Variants in CNTN5 observed in about 807,000 individuals in gnomAD.
CNTN5 encodes the protein contactin-5.
Under a neutral mutation model 129.1 loss-of-function variants are expected in CNTN5, and 77 were observed. That is an observed-to-expected ratio of 0.60 (90% CI 0.50 to 0.72). The LOEUF is 0.72. CNTN5 is among the 30% of genes least tolerant of loss of function. CNTN5 has a pLI of 0.00. For missense variants in CNTN5, 1,478 were observed against 1,328.8 expected, an observed-to-expected ratio of 1.11 and a Z score of -1.75; for synonymous variants, 509 against 465.6, an observed-to-expected ratio of 1.09 and a Z score of -1.20.
chr11:99,164,120 G>A (rs1860756550), intron 1 of CNTN5, among the ~76,000 whole-genome samples: 1 of 152,084 alleles, frequency 6.6e-6, no homozygotes, highest in African/African-American at 2.4e-5. Context: ...GAGGTTAGGA[G>A]TTCAAGACCA....
chr11:99,390,603 C>T (rs541344932), intron 2 of CNTN5, among the ~76,000 whole-genome samples: 2 of 152,192 alleles, frequency 1.3e-5, no homozygotes, highest in South Asian at 4.1e-4. Context: ...TGCGTACAAA[C>T]TAATGAAATA....
At chr11:99,976,542 C>G (rs1007492455) in intron 8 of CNTN5, among the ~76,000 whole-genome samples, 1 of 152,212 alleles carries the variant, frequency 6.6e-6, no homozygotes, top group African/African-American at 2.4e-5. Flanking sequence ...CAAACCTCAG[C>G]TGTTGTATTC....
chr11:100,278,305 A>G (rs1950560217), intron 18 of CNTN5, among the ~76,000 whole-genome samples: 1 of 151,688 alleles, frequency 6.6e-6, no homozygotes, highest in South Asian at 2.1e-4. Context: ...CTCTTTTGTG[A>G]TCTGATATAA....
chr11:99,721,874 A>G (rs1943184842), intron 3 of CNTN5, among the ~76,000 whole-genome samples: 1 of 152,134 alleles, frequency 6.6e-6, no homozygotes, highest in South Asian at 2.1e-4. Flanking sequence ...GCCAACAAAC[A>G]TATGGAAAAA....
chr11:99,157,544 T>C (rs946127539), intron 1 of CNTN5, among the ~76,000 whole-genome samples: 4 of 152,068 alleles, frequency 2.6e-5, no homozygotes, highest in Non-Finnish European at 5.9e-5. Context: ...TTAGAACAAG[T>C]GCAAATATAT....
chr11:100,199,589 C>T (rs924013508), intron 15 of CNTN5, among the ~76,000 whole-genome samples: 2 of 151,900 alleles, frequency 1.3e-5, no homozygotes, highest in Non-Finnish European at 2.9e-5. Context: ...AATATTCAGA[C>T]TATCCCAGAA....
At chr11:100,176,741 G>T (rs1947978642) in intron 13 of CNTN5, among the ~76,000 whole-genome samples, 1 of 152,032 alleles carries the variant, frequency 6.6e-6, no homozygotes, top group African/African-American at 2.4e-5. Context: ...GGGAATGGAA[G>T]ATGGAAGGGA....
At chr11:99,551,341 A>G (rs191491684) in intron 2 of CNTN5, among the ~76,000 whole-genome samples, 1 of 152,286 alleles carries the variant, frequency 6.6e-6, no homozygotes, top group Non-Finnish European at 1.5e-5. Context: ...TTAACTCAGT[A>G]CCAGTCCCAA....
intron 9 of CNTN5, among the ~76,000 whole-genome samples, chr11:100,013,721 T>C (rs1003900968): frequency 3.3e-5 from 5 of 152,316 alleles, no homozygotes; most frequent in Admixed American, 2.6e-4. Flanking sequence ...AGTATTCTAC[T>C]AGAAATTGAA....
At chr11:99,971,896 C>G (rs937404205) in intron 8 of CNTN5, among the ~76,000 whole-genome samples, 1 of 150,596 alleles carries the variant, frequency 6.6e-6, no homozygotes, top group African/African-American at 2.4e-5. Context: ...CAGGCCAGCA[C>G]TCAATAATGT....
chr11:99,792,155 A>G (rs1054349855), intron 3 of CNTN5, among the ~76,000 whole-genome samples: 28 of 151,988 alleles, frequency 1.8e-4, no homozygotes, highest in Admixed American at 3.3e-4. Flanking sequence ...AATGGTGAAA[A>G]TGGTCACTCT....
chr11:99,382,887 C>T (rs1048238480), intron 2 of CNTN5, among the ~76,000 whole-genome samples: 72 of 60,768 alleles, frequency 1.2e-3, no homozygotes, highest in Middle Eastern at 0.019. Flanking sequence ...GACAGAGTCT[C>T]GCTCTGTCTC....
intron 4 of CNTN5, among the ~76,000 whole-genome samples, chr11:99,840,677 A>G (rs1039234268): frequency 6.6e-6 from 1 of 152,106 alleles, no homozygotes; most frequent in African/African-American, 2.4e-5. Flanking sequence ...AGACGTTAAC[A>G]TTGTGTGTGA....
chr11:99,432,643 G>C (rs1227626078), intron 2 of CNTN5, among the ~76,000 whole-genome samples: 1 of 151,908 alleles, frequency 6.6e-6, no homozygotes, highest in Non-Finnish European at 1.5e-5. Flanking sequence ...GGGCAAGTGA[G>C]AGCGAAAAGC....
chr11:99,061,409 C>A (rs980327412), intron 1 of CNTN5, among the ~76,000 whole-genome samples: 1 of 151,978 alleles, frequency 6.6e-6, no homozygotes. Flanking sequence ...TGATTCCGCC[C>A]AACTGAGTTT....
chr11:100,298,096 C>T (rs1311658577), intron 19 of CNTN5, among the ~76,000 whole-genome samples: 2 of 151,044 alleles, frequency 1.3e-5, no homozygotes, highest in Admixed American at 1.3e-4. Context: ...TCCATGAAGC[C>T]ACCTTCCTTT....
At chr11:99,212,832 A>G (rs976942653) in intron 1 of CNTN5, among the ~76,000 whole-genome samples, 8 of 152,152 alleles carry the variant, frequency 5.3e-5, no homozygotes, top group African/African-American at 1.9e-4. Context: ...ACAATATTCA[A>G]AAACCTTATA....
At chr11:99,406,892 AG>A (rs959224788) in intron 2 of CNTN5, among the ~76,000 whole-genome samples, 7 of 152,226 alleles carry the variant, frequency 4.6e-5, no homozygotes, top group Non-Finnish European at 7.4e-5. Context: ...TTATGGCCCA[AG>A]GGCTCTTTAT....
chr11:99,902,475 G>T (rs1033501516), intron 6 of CNTN5, among the ~76,000 whole-genome samples: 2 of 152,022 alleles, frequency 1.3e-5, no homozygotes, highest in African/African-American at 2.4e-5. Flanking sequence ...TGCCATAGTT[G>T]ATTTACAGAA....
Sources: gnomAD v4.1 joint callset for allele counts (sites outside exome capture counted in the v4.1 genomes callset) on GRCh38, gnomAD v4.1.1 for gene constraint, MANE v1.5 for transcripts, NCBI Gene and HGNC (gene_info 2026-07-23, HGNC 2026-07-21) for gene names.